DIP2C: variants seen among roughly 807,000 people sequenced by gnomAD.
The protein encoded by DIP2C is DIP2 acetate--CoA ligase C (putative).
DIP2C carries 33 observed loss-of-function variants against 192.4 expected under a neutral mutation model. The ratio of observed to expected loss-of-function variants is 0.17; its 90% CI spans 0.13 to 0.23. The LOEUF (loss-of-function observed/expected upper bound fraction) is 0.23, where lower values mean the gene tolerates loss of function less well. Among genes scored for constraint, DIP2C ranks in the 10% least tolerant of loss-of-function variants. The pLI, the probability that DIP2C is intolerant of heterozygous loss-of-function variation, is 1.00. For synonymous variants in DIP2C, 979 were observed against 864.1 expected, an observed-to-expected ratio of 1.13 and a Z score of -2.33; for missense variants, 1,537 against 2,110.1, an observed-to-expected ratio of 0.73 and a Z score of 5.32.
rs187279324 is a variant in DIP2C at position 559,968 on chromosome 10, C to G, written c.86-73438G>C. Among the ~76,000 whole-genome samples, 742 of 140,108 alleles carry G rather than the reference C, an allele frequency of 5.3e-3. 1 individual carries two copies. Among genetic ancestry groups the G allele is most frequent in the Non-Finnish European group, 8.2e-3 (526 of 64,332 alleles). 91.9% of individuals were successfully genotyped at this position (140,108 alleles called of 152,430 possible). A position where few individuals can be genotyped will look rare whatever the true frequency, so the allele number is the denominator to read the frequency against. Reference sequence around the variant, plus strand: ...ACTCATTGCTCCGGTTCTCACCTCTCCCCCCCACTCCTGTTCTCCTCTCCC... The same window carrying G: ...ACTCATTGCTCCGGTTCTCACCTCTGCCCCCCACTCCTGTTCTCCTCTCCC... On this transcript the variant is annotated intron_variant, in intron 1 of 36. Coordinates refer to ENST00000280886, the MANE Select transcript of DIP2C (RefSeq NM_014974.3).
chr10:647,004 C>A (rs560953175), intron 1 of DIP2C, among the ~76,000 whole-genome samples: 2 of 152,070 alleles, frequency 1.3e-5, no homozygotes, highest in Non-Finnish European at 2.9e-5. Flanking sequence ...GCAAGCTGGG[C>A]GAGAACAGAG....
At chr10:536,109 G>A (rs1202482414) in intron 1 of DIP2C, among the ~76,000 whole-genome samples, 1 of 152,170 alleles carries the variant, frequency 6.6e-6, no homozygotes, top group African/African-American at 2.4e-5. Flanking sequence ...CAATCAAGGT[G>A]TGGGCAGGGC....
In DIP2C at chr10:414,904, ATATT is replaced by A. The variant is rs1378289719; in HGVS notation, c.860-798_860-795del. 5.5e-3 allele frequency among the ~76,000 whole-genome samples: 427 copies of A among 77,788 alleles called. 7 individuals are homozygous for A. Among genetic ancestry groups the A allele is most frequent in the African/African-American group, 0.017 (381 of 22,302 alleles). 51.0% of individuals were successfully genotyped at this position (77,788 alleles called of 152,430 possible). A position where few individuals can be genotyped will look rare whatever the true frequency, so the allele number is the denominator to read the frequency against. ...TGTGTGTGTGTGTATATATATATAT[ATATT>A]TTTTTTTTTTTTTGGTAGAGACAGG... is the stretch of plus-strand genomic sequence containing the variant. On this transcript the variant is annotated intron_variant, in intron 7 of 36. Transcript: ENST00000280886.
intron 17 of DIP2C, among the ~76,000 whole-genome samples, chr10:377,131 G>C (rs1464981312): frequency 2.1e-5 from 3 of 142,946 alleles, no homozygotes; most frequent in Non-Finnish European, 4.5e-5. Context: ...CACCCACCCT[G>C]TGCAGCGCAG....
In DIP2C at chr10:622,621, G is replaced by A. The variant is rs142934039; in HGVS notation, c.85+66873C>T. ...CTAAAGCACCATGCCTTGCCCTTTCGCCGATGGGCCAATGCCTCTCTATGC... is the reference window on the plus strand; with the variant it reads ...CTAAAGCACCATGCCTTGCCCTTTCACCGATGGGCCAATGCCTCTCTATGC... On this transcript the variant is annotated intron_variant, in intron 1 of 36. Transcript: ENST00000280886. Among the ~76,000 whole-genome samples the A allele has an allele frequency of 3.4e-3, 513 of 150,904 alleles. 3 individuals carry two copies. Among genetic ancestry groups the A allele is most frequent in the African/African-American group, 0.012 (491 of 40,330 alleles).
At chr10:679,699 C>T (rs532736296) in intron 1 of DIP2C, among the ~76,000 whole-genome samples, 1 of 149,360 alleles carries the variant, frequency 6.7e-6, no homozygotes, top group African/African-American at 2.5e-5. Context: ...TATCTGTGCT[C>T]CCCATGCCCA....
chr10:673,283 T>C (rs1830733080), intron 1 of DIP2C, among the ~76,000 whole-genome samples: 1 of 152,172 alleles, frequency 6.6e-6, no homozygotes, highest in South Asian at 2.1e-4. Context: ...TTCCAATGCC[T>C]GCGATGAATT....
intron 1 of DIP2C, among the ~76,000 whole-genome samples, chr10:543,091 C>T (rs1307136251): frequency 6.6e-6 from 1 of 152,198 alleles, no homozygotes; most frequent in African/African-American, 2.4e-5. Flanking sequence ...ACATGCGGCT[C>T]TGGCAGCTTT....
intron 4 of DIP2C, among the ~76,000 whole-genome samples, chr10:430,061 C>T (rs1019252988): frequency 2.0e-5 from 3 of 152,136 alleles, no homozygotes; most frequent in African/African-American, 7.2e-5. Flanking sequence ...GTGTTGCTAG[C>T]ATTCTGGATT....
chr10:385,095 A>T (rs1962773885), intron 14 of DIP2C, among the ~76,000 whole-genome samples: 1 of 151,454 alleles, frequency 6.6e-6, no homozygotes. Flanking sequence ...ACCAGGCTGC[A>T]CGGGCTGGGA....
chr10:614,740 A>G (rs774911396), intron 1 of DIP2C, among the ~76,000 whole-genome samples: 1 of 152,258 alleles, frequency 6.6e-6, no homozygotes, highest in African/African-American at 2.4e-5. Flanking sequence ...TGAAATTTAA[A>G]GGAGCCTCTG....
At chr10:581,108 G>A (rs955266980) in intron 1 of DIP2C, among the ~76,000 whole-genome samples, 2 of 152,140 alleles carry the variant, frequency 1.3e-5, no homozygotes, top group Non-Finnish European at 2.9e-5. Flanking sequence ...AGCGATGTCT[G>A]GCAGAATGCA....
intron 1 of DIP2C, among the ~76,000 whole-genome samples, chr10:622,059 T>C (rs1189577695): frequency 6.6e-6 from 1 of 151,234 alleles, no homozygotes; most frequent in African/African-American, 2.4e-5. Flanking sequence ...GCATTGAGCA[T>C]TGTTTCCCTT....
At chr10:656,595 C>T (rs1472905422) in intron 1 of DIP2C, among the ~76,000 whole-genome samples, 2 of 152,186 alleles carry the variant, frequency 1.3e-5, no homozygotes, top group Non-Finnish European at 2.9e-5. Flanking sequence ...TCTATCAATA[C>T]GGCTTCTTTG....
intron 6 of DIP2C, 112 bp downstream of exon 6, chr10:418,953 T>G: frequency 6.7e-7 from 1 of 1,492,424 alleles, no homozygotes; most frequent in Non-Finnish European, 9.0e-7. Context: ...TAAATTGGCT[T>G]TGTCAGAACC....
intron 17 of DIP2C, among the ~76,000 whole-genome samples, chr10:381,859 C>T (rs559349012): frequency 2.6e-3 from 392 of 152,326 alleles, no homozygotes; most frequent in African/African-American, 8.8e-3. Flanking sequence ...GCCCCAAGAG[C>T]CCCACACCAC....
At chr10:606,997 G>A (rs1852538020) in intron 1 of DIP2C, among the ~76,000 whole-genome samples, 1 of 152,204 alleles carries the variant, frequency 6.6e-6, no homozygotes, top group Non-Finnish European at 1.5e-5. Flanking sequence ...TGGCAGAAAT[G>A]CTGCGTGGCC....
chr10:446,209 A>C (rs142323980), intron 3 of DIP2C, among the ~76,000 whole-genome samples: 202 of 151,436 alleles, frequency 1.3e-3, no homozygotes, highest in African/African-American at 4.6e-3. Flanking sequence ...GCATCTGTAT[A>C]CATCTGTTGT....
intron 1 of DIP2C, chr10:665,057 A>G (rs902169979): frequency 6.6e-6 from 1 of 152,216 alleles, no homozygotes; most frequent in Non-Finnish European, 1.5e-5. Flanking sequence ...GAACAGATCA[A>G]TTCTGTTGGA....
Sources: allele counts gnomAD v4.1 joint callset (sites outside exome capture counted in the v4.1 genomes callset), GRCh38; gene constraint gnomAD v4.1.1; transcripts MANE v1.5; gene names NCBI Gene and HGNC (gene_info 2026-07-23, HGNC 2026-07-21).